Variants in LRBA observed in about 807,000 individuals in gnomAD.
LRBA encodes the protein lipopolysaccharide-responsive and beige-like anchor protein.
Under a neutral mutation model 330.0 loss-of-function variants are expected in LRBA, and 176 were observed. The ratio of observed to expected loss-of-function variants is 0.53; its 90% CI spans 0.47 to 0.60. The LOEUF (loss-of-function observed/expected upper bound fraction) is 0.60. Ranked by LOEUF, LRBA falls within the 20% of genes least tolerant of loss-of-function variation. The pLI, the probability that LRBA is intolerant of heterozygous loss-of-function variation, is 0.00. For synonymous variants in LRBA, 1,230 were observed against 1,193.0 expected, an observed-to-expected ratio of 1.03 and a Z score of -0.64; for missense variants, 3,259 against 3,444.8, an observed-to-expected ratio of 0.95 and a Z score of 1.35.
At chr4:150,610,251 T>TACCCTG (rs1561420550) in intron 37 of LRBA, among the ~76,000 whole-genome samples, 1 of 152,168 alleles carries the variant, frequency 6.6e-6, no homozygotes, top group African/African-American at 2.4e-5. Context: ...ATTTTTCCTA[T>TACCCTG]ACCCTGACCC....
At chr4:150,889,329 T>A (rs149374849) in intron 17 of LRBA, among the ~76,000 whole-genome samples, 132 of 151,658 alleles carry the variant, frequency 8.7e-4, no homozygotes, top group African/African-American at 3.0e-3. Flanking sequence ...ATAAATGGCT[T>A]AAATGTTAAT....
chr4:150,282,243 A>G (rs1176246958), intron 55 of LRBA, among the ~76,000 whole-genome samples: 2 of 152,224 alleles, frequency 1.3e-5, no homozygotes, highest in African/African-American at 2.4e-5. Flanking sequence ...AGCTGCGCTG[A>G]GTGACGTGGT....
chr4:150,649,112 T>C (rs1287396237), intron 37 of LRBA, among the ~76,000 whole-genome samples: 3 of 152,178 alleles, frequency 2.0e-5, no homozygotes, highest in Non-Finnish European at 2.9e-5. Context: ...TGTCCTAGTT[T>C]GGGCACTTGT....
chr4:151,005,873 G>A (rs1744014941), intron 2 of LRBA, among the ~76,000 whole-genome samples: 1 of 152,018 alleles, frequency 6.6e-6, no homozygotes. Context: ...TGGGATTACA[G>A]ACTTACAGAC....
At chr4:150,587,293 T>C (rs1581751065) in intron 40 of LRBA, among the ~76,000 whole-genome samples, 1 of 152,316 alleles carries the variant, frequency 6.6e-6, no homozygotes, top group East Asian at 1.9e-4. Flanking sequence ...ACATATGCTA[T>C]CAGCCTGCAA....
chr4:150,344,024 G>C (rs752487018), intron 48 of LRBA, among the ~76,000 whole-genome samples: 51 of 151,966 alleles, frequency 3.4e-4, no homozygotes, highest in Non-Finnish European at 4.6e-4. Context: ...CTATGCTCTG[G>C]GTTTTGTTCT....
chr4:150,727,337 G>A (rs1353320970), intron 36 of LRBA, among the ~76,000 whole-genome samples: 1 of 152,000 alleles, frequency 6.6e-6, no homozygotes, highest in Non-Finnish European at 1.5e-5. Context: ...GCCTCCCAAA[G>A]TGCTGGGATT....
intron 35 of LRBA, 49 bp downstream of exon 35, chr4:150,761,734 C>A (rs538874614): frequency 1.6e-6 from 2 of 1,272,978 alleles, no homozygotes; most frequent in African/African-American, 3.1e-5. Flanking sequence ...TAGGAAAAAC[C>A]CAAGATTTTA....
intron 40 of LRBA, among the ~76,000 whole-genome samples, chr4:150,515,248 A>G (rs1018655530): frequency 4.0e-5 from 6 of 151,176 alleles, no homozygotes; most frequent in African/African-American, 1.5e-4. Flanking sequence ...GAGTGGTTCA[A>G]TACCAGGAAA....
intron 42 of LRBA, among the ~76,000 whole-genome samples, chr4:150,477,757 A>G (rs928491426): frequency 6.7e-6 from 1 of 150,154 alleles, no homozygotes; most frequent in Non-Finnish European, 1.5e-5. Flanking sequence ...GTGTGTGACA[A>G]CCCCCCTCCC....
intron 36 of LRBA, among the ~76,000 whole-genome samples, chr4:150,705,078 T>C (rs1404008232): frequency 6.6e-6 from 1 of 152,084 alleles, no homozygotes; most frequent in Admixed American, 6.6e-5. Flanking sequence ...AGTTTAAAAA[T>C]AGAAAAGTAA....
chr4:150,447,370 G>A (rs1581342673), intron 44 of LRBA, among the ~76,000 whole-genome samples: 2 of 152,180 alleles, frequency 1.3e-5, no homozygotes, highest in African/African-American at 2.4e-5. Context: ...CATCCAATCT[G>A]CTGAGGATCT....
intron 35 of LRBA, among the ~76,000 whole-genome samples, chr4:150,761,217 A>T (rs1735039588): frequency 6.6e-6 from 1 of 152,026 alleles, no homozygotes; most frequent in South Asian, 2.1e-4. Flanking sequence ...TCACTCTTTT[A>T]CATTTGTTTT....
chr4:150,987,099 C>T (rs1741547692), intron 2 of LRBA, among the ~76,000 whole-genome samples: 1 of 152,174 alleles, frequency 6.6e-6, no homozygotes. Flanking sequence ...TTCAGATTTA[C>T]ATAAGAAGGG....
chr4:150,394,322 C>T (rs916632533), intron 47 of LRBA, among the ~76,000 whole-genome samples: 2 of 152,038 alleles, frequency 1.3e-5, no homozygotes, highest in Non-Finnish European at 2.9e-5. Context: ...CATGACCATG[C>T]ATATGTCATA....
At chr4:150,434,452 C>A (rs144044799) in intron 46 of LRBA, among the ~76,000 whole-genome samples, 1 of 152,282 alleles carries the variant, frequency 6.6e-6, no homozygotes, top group Non-Finnish European at 1.5e-5. Context: ...TTAGAACCAG[C>A]AGCAGGCAAA....
intron 28 of LRBA, among the ~76,000 whole-genome samples, chr4:150,843,292 A>G (rs929025629): frequency 6.6e-6 from 1 of 152,254 alleles, no homozygotes; most frequent in Non-Finnish European, 1.5e-5. Flanking sequence ...AACTATTGAA[A>G]AAAAGGGAGG....
intron 2 of LRBA, among the ~76,000 whole-genome samples, chr4:150,949,002 A>T (rs1377932863): frequency 6.6e-6 from 1 of 151,928 alleles, no homozygotes; most frequent in African/African-American, 2.4e-5. Context: ...GTAAAATGAC[A>T]CAGCCACTAT....
At chr4:150,542,979 A>T (rs894401777) in intron 40 of LRBA, among the ~76,000 whole-genome samples, 10 of 152,292 alleles carry the variant, frequency 6.6e-5, no homozygotes, top group Middle Eastern at 3.4e-3. Flanking sequence ...CAAAAATGCA[A>T]ATAAATTGCC....
Sources: gnomAD v4.1 joint callset for allele counts (sites outside exome capture counted in the v4.1 genomes callset) on GRCh38, gnomAD v4.1.1 for gene constraint, MANE v1.5 for transcripts, NCBI Gene and HGNC (gene_info 2026-07-23, HGNC 2026-07-21) for gene names.